The following THRB variants were observed in gnomAD, a reference collection of about 807,000 sequenced individuals.
THRB encodes the protein thyroid hormone receptor beta.
THRB carries 12 observed loss-of-function variants against 47.8 expected under a neutral mutation model. That is an observed-to-expected ratio of 0.25 (90% CI 0.16 to 0.41). The LOEUF is 0.41. Among genes scored for constraint, THRB ranks in the 10% least tolerant of loss-of-function variants. THRB has a pLI of 1.00. For synonymous variants in THRB, 218 were observed against 212.2 expected, an observed-to-expected ratio of 1.03 and a Z score of -0.24; for missense variants, 348 against 589.2, an observed-to-expected ratio of 0.59 and a Z score of 4.24.
At chr3:24,418,395 C>A (rs1195980784) in intron 1 of THRB, among the ~76,000 whole-genome samples, 1 of 151,766 alleles carries the variant, frequency 6.6e-6, no homozygotes, top group Non-Finnish European at 1.5e-5. Context: ...GACCTCCACC[C>A]CCACTTAACA....
chr3:24,485,014 T>C (rs1697078068), intron 1 of THRB, among the ~76,000 whole-genome samples: 1 of 152,204 alleles, frequency 6.6e-6, no homozygotes, highest in South Asian at 2.1e-4. Context: ...ATCTGGATCA[T>C]TAAAGAAATA....
At chr3:24,140,770 A>G (rs1412194728) in intron 8 of THRB, among the ~76,000 whole-genome samples, 1 of 152,134 alleles carries the variant, frequency 6.6e-6, no homozygotes, top group Non-Finnish European at 1.5e-5. Flanking sequence ...AACAGACTCT[A>G]CCTCTCCCAG....
At chr3:24,124,210 T>A (rs1255601953) in intron 10 of THRB, among the ~76,000 whole-genome samples, 1 of 152,226 alleles carries the variant, frequency 6.6e-6, no homozygotes, top group Non-Finnish European at 1.5e-5. Context: ...CAATTCACCC[T>A]TCTGAGTCTA....
At chr3:24,172,772 G>C (rs1402358960) in intron 5 of THRB, among the ~76,000 whole-genome samples, 1 of 152,104 alleles carries the variant, frequency 6.6e-6, no homozygotes, top group African/African-American at 2.4e-5. Flanking sequence ...GATTTCCAAA[G>C]GGCAAGAGAC....
At chr3:24,346,542 TC>T (rs1187725713) in intron 1 of THRB, among the ~76,000 whole-genome samples, 1 of 151,918 alleles carries the variant, frequency 6.6e-6, no homozygotes, top group African/African-American at 2.4e-5. Flanking sequence ...ATTTTTTAAA[TC>T]CCAGTTAAAT....
chr3:24,257,821 A>C (rs2051462597), intron 3 of THRB, among the ~76,000 whole-genome samples: 1 of 152,242 alleles, frequency 6.6e-6, no homozygotes, highest in Non-Finnish European at 1.5e-5. Context: ...AGCCTCCTGC[A>C]GTCACTGTGA....
At chr3:24,355,762 C>T (rs747109756) in intron 1 of THRB, among the ~76,000 whole-genome samples, 8 of 151,870 alleles carry the variant, frequency 5.3e-5, no homozygotes, top group Non-Finnish European at 8.8e-5. Flanking sequence ...ACAAGGTATA[C>T]GTATATTAGT....
At chr3:24,403,655 A>G (rs906308238) in intron 1 of THRB, among the ~76,000 whole-genome samples, 1 of 152,034 alleles carries the variant, frequency 6.6e-6, no homozygotes, top group Non-Finnish European at 1.5e-5. Context: ...GAAAAACAAA[A>G]TAAGCCAGTT....
At chr3:24,334,920 T>C (rs2062146535) in intron 2 of THRB, among the ~76,000 whole-genome samples, 1 of 152,196 alleles carries the variant, frequency 6.6e-6, no homozygotes, top group Admixed American at 6.5e-5. Flanking sequence ...GGAAATAATA[T>C]ACACCAGAAT....
chr3:24,139,928 A>T (rs1297746233), intron 8 of THRB, among the ~76,000 whole-genome samples: 3 of 152,216 alleles, frequency 2.0e-5, no homozygotes, highest in African/African-American at 7.2e-5. Flanking sequence ...CATAAAAAAT[A>T]AATAACACGT....
In THRB at chr3:24,439,127, G is replaced by A. The variant is rs1281151300; in HGVS notation, c.-261+55525C>T. Among the ~76,000 whole-genome samples, 4 of 152,132 alleles carry A rather than the reference G, an allele frequency of 2.6e-5. No individual in the cohort carries two copies. The South Asian group carries it at 6.2e-4, about 24-fold the overall frequency. ...AGCATCAGGTGGTAACTGGTCAAGG[G>A]CTGTCCTGTGGCATGGAGGCTGTAA... On this transcript the variant is annotated intron_variant, in intron 1 of 10. Coordinates refer to ENST00000646209, the MANE Select transcript of THRB (RefSeq NM_001354712.2).
intron 3 of THRB, among the ~76,000 whole-genome samples, chr3:24,246,167 G>A (rs2050096695): frequency 6.6e-6 from 1 of 152,174 alleles, no homozygotes; most frequent in African/African-American, 2.4e-5. Flanking sequence ...CTTGCACATA[G>A]TAAGTGCTCA....
intron 1 of THRB, among the ~76,000 whole-genome samples, chr3:24,394,038 T>C (rs1406226226): frequency 6.6e-6 from 1 of 152,154 alleles, no homozygotes; most frequent in Non-Finnish European, 1.5e-5. Context: ...CTTCAATAGA[T>C]ATTTTTATTT....
intron 2 of THRB, among the ~76,000 whole-genome samples, chr3:24,323,862 G>A (rs1280429112): frequency 6.6e-6 from 1 of 152,200 alleles, no homozygotes; most frequent in African/African-American, 2.4e-5. Flanking sequence ...TCTTTCAAAT[G>A]TTTGAAATGT....
rs1165116112 is a variant in THRB at position 24,370,442 on chromosome 3, CGTGTGTGAGGTGTGCACATGAGT to C, written c.-260-33094_-260-33072del. Reference sequence around the variant, plus strand: ...TTGTGTCAAGATGATCATGGCAGGACGTGTGTGAGGTGTGCACATGAGTGTGTATGAGGTGTGCACATGAGTGT... The same window carrying C: ...TTGTGTCAAGATGATCATGGCAGGACGTGTATGAGGTGTGCACATGAGTGT... On this transcript the variant is annotated intron_variant, in intron 1 of 10. Coordinates refer to ENST00000646209, the MANE Select transcript of THRB (RefSeq NM_001354712.2). Among the ~76,000 whole-genome samples, 4 of 151,864 alleles carry C rather than the reference CGTGTGTGAGGTGTGCACATGAGT, an allele frequency of 2.6e-5. No individual in the cohort carries two copies. In the East Asian group the frequency reaches 7.8e-4, roughly 30 times the overall value.
chr3:24,229,931 C>A (rs939132495), intron 3 of THRB, among the ~76,000 whole-genome samples: 2 of 152,140 alleles, frequency 1.3e-5, no homozygotes, highest in Admixed American at 1.3e-4. Context: ...TTTCAAAGCA[C>A]TGGAAACACG....
chr3:24,324,891 G>A (rs547593729), intron 2 of THRB, among the ~76,000 whole-genome samples: 1 of 152,266 alleles, frequency 6.6e-6, no homozygotes, highest in East Asian at 1.9e-4. Context: ...TCTACTTGCT[G>A]AAAAATATGT....
At chr3:24,440,218 GA>G (rs1264953670) in intron 1 of THRB, among the ~76,000 whole-genome samples, 2 of 152,046 alleles carry the variant, frequency 1.3e-5, no homozygotes, top group African/African-American at 2.4e-5. Context: ...ATTCCAATTT[GA>G]AATGGTCTCT....
chr3:24,411,010 G>A (rs375492163), intron 1 of THRB, among the ~76,000 whole-genome samples: 3 of 151,710 alleles, frequency 2.0e-5, no homozygotes, highest in East Asian at 2.0e-4. Flanking sequence ...GTGCTGAGTC[G>A]GCAACATTCT....
Sources: allele counts gnomAD v4.1 joint callset (sites outside exome capture counted in the v4.1 genomes callset), GRCh38; gene constraint gnomAD v4.1.1; transcripts MANE v1.5; gene names NCBI Gene and HGNC (gene_info 2026-07-23, HGNC 2026-07-21).